KRT73: variants seen among roughly 807,000 people sequenced by gnomAD.
KRT73 encodes keratin 73.
Under a neutral mutation model 47.2 loss-of-function variants are expected in KRT73, and 44 were observed. The ratio of observed to expected loss-of-function variants is 0.93; its 90% CI spans 0.73 to 1.20. The LOEUF (loss-of-function observed/expected upper bound fraction) is 1.20, where lower values mean the gene tolerates loss of function less well. KRT73 is among the 50% of genes most tolerant of loss of function. KRT73 has a pLI of 0.00. For missense variants in KRT73, 713 were observed against 704.5 expected, an observed-to-expected ratio of 1.01 and a Z score of -0.14; for synonymous variants, 285 against 291.3, an observed-to-expected ratio of 0.98 and a Z score of 0.22.
the KRT73 span, among the ~76,000 whole-genome samples, chr12:52,624,664 G>T: frequency 6.6e-6 from 1 of 152,048 alleles, no homozygotes; most frequent in Non-Finnish European, 1.5e-5. Flanking sequence ...TAACTCATGG[G>T]TTGAAGAGGA....
chr12:52,614,746 C>T, intron 3 of KRT73, 72 bp from the exon 4 acceptor site: 1 of 1,208,874 alleles, frequency 8.3e-7, no homozygotes, highest in Non-Finnish European at 1.2e-6. Context: ...CGAACTGACA[C>T]CTGCAGGCCC....
chr12:52,611,640 G>C (rs79477245), intron 5 of KRT73, among the ~76,000 whole-genome samples: 1 of 152,114 alleles, frequency 6.6e-6, no homozygotes, highest in African/African-American at 2.4e-5. Context: ...TCAAAGTCAA[G>C]GTCAAATTCA....
chr12:52,617,351 G>A (rs1406726802), intron 1 of KRT73, among the ~76,000 whole-genome samples: 2 of 152,182 alleles, frequency 1.3e-5, no homozygotes, highest in African/African-American at 4.8e-5. Flanking sequence ...TGGAGAGCTT[G>A]TTAAAATGCA....
upstream of KRT73, among the ~76,000 whole-genome samples, chr12:52,620,106 T>A (rs1156530690): frequency 7.5e-6 from 1 of 132,612 alleles, no homozygotes; most frequent in African/African-American, 3.1e-5. Context: ...TATTCCTTTT[T>A]TTCTTTTTTT....
intron 8 of KRT73, 57 bp from the exon 9 acceptor site, chr12:52,608,509 A>T: frequency 6.8e-7 from 1 of 1,477,518 alleles, no homozygotes. Context: ...AGGTGGCCTT[A>T]AGTCCCCCTC....
the KRT73 span, among the ~76,000 whole-genome samples, chr12:52,625,537 G>T: frequency 6.6e-6 from 1 of 152,140 alleles, no homozygotes; most frequent in Non-Finnish European, 1.5e-5. Context: ...TTGCTAATGA[G>T]AATGTAAAAT....
upstream of KRT73, among the ~76,000 whole-genome samples, chr12:52,619,117 G>C (rs1406129223): frequency 1.3e-5 from 2 of 152,238 alleles, no homozygotes; most frequent in Non-Finnish European, 2.9e-5. Context: ...CCAGCCCCCT[G>C]CTGTGCCCTC....
chr12:52,616,960 A>G (rs1440846077), intron 1 of KRT73, among the ~76,000 whole-genome samples: 1 of 152,178 alleles, frequency 6.6e-6, no homozygotes, highest in Non-Finnish European at 1.5e-5. Flanking sequence ...TCAAGTTGCA[A>G]CCTACAAATA....
At chr12:52,625,087 A>G in the KRT73 span, among the ~76,000 whole-genome samples, 1 of 152,202 alleles carries the variant, frequency 6.6e-6, no homozygotes, top group Non-Finnish European at 1.5e-5. Flanking sequence ...GATAAAGGGT[A>G]GGTAAAGAGG....
intron 2 of KRT73, 61 bp downstream of exon 2, chr12:52,616,105 G>A (rs1940806225): frequency 9.4e-6 from 15 of 1,597,756 alleles, no homozygotes; most frequent in Non-Finnish European, 1.3e-5. Context: ...AAACATCCCA[G>A]TGCCTGCTGG....
Position 52,608,091 on chromosome 12 carries a change from G to T in KRT73, c.*105C>A. The T allele has an allele frequency of 7.9e-7, 1 of 1,268,590 alleles. No individual in the cohort carries two copies. 78.6% of individuals were successfully genotyped at this position (1,268,590 alleles called of 1,614,324 possible). A position where few individuals can be genotyped will look rare whatever the true frequency, so the allele number is the denominator to read the frequency against. ...GAGGAGAGGTCCACAGCAAAGCAAA[G>T]CAAGAAGGAGATGAGGACAAATGAG... On this transcript the variant is annotated 3_prime_UTR_variant, in exon 9 of 9. Coordinates refer to ENST00000305748, the MANE Select transcript of KRT73 (RefSeq NM_175068.3).
rs1344952720 is a variant in KRT73 at position 52,618,501 on chromosome 12, C to T, written c.24G>A (p.Lys8=). The change falls in exon 1 of 9, where the codon AAG becomes AAA. Residue 8 remains lysine, a synonymous_variant. Coordinates refer to ENST00000305748, the MANE Select transcript of KRT73 (RefSeq NM_175068.3). The part of the protein sequence containing the change: MSRQFTY[K]SGAAAKGGFS... ...AGCCCCCCTTGGCAGCAGCTCCCGA[C>T]TTGTAGGTGAATTGGCGGCTCATGG... 1.2e-6 allele frequency: 2 copies of T among 1,605,224 alleles called. No individual in the cohort carries two copies. Among genetic ancestry groups the T allele is most frequent in the South Asian group, 1.1e-5 (1 of 90,272 alleles).
At chr12:52,616,973 T>A (rs1165064628) in intron 1 of KRT73, among the ~76,000 whole-genome samples, 5 of 152,160 alleles carry the variant, frequency 3.3e-5, no homozygotes, top group Non-Finnish European at 7.3e-5. Flanking sequence ...TACAAATATA[T>A]CATTCCCTTG....
chr12:52,617,817 G>A (rs1219743376), intron 1 of KRT73, among the ~76,000 whole-genome samples: 1 of 152,180 alleles, frequency 6.6e-6, no homozygotes, highest in East Asian at 1.9e-4. Flanking sequence ...GCATCCTGGG[G>A]AGGTGTCCTG....
the KRT73 span, among the ~76,000 whole-genome samples, chr12:52,630,599 G>T: frequency 6.6e-6 from 1 of 152,126 alleles, no homozygotes; most frequent in Non-Finnish European, 1.5e-5. Context: ...TGTGGGAAAT[G>T]TGAGAATATA....
chr12:52,614,443 T>C (rs1216082136), intron 4 of KRT73, 136 bp downstream of exon 4: 3 of 668,354 alleles, frequency 4.5e-6, no homozygotes, highest in African/African-American at 3.7e-5. Flanking sequence ...ACTCCCACCT[T>C]TGATCTACAA....
rs766335509 is a variant in KRT73, at chr12:52,608,186, T to C, written c.*10A>G. 8 of 1,606,340 alleles carry C rather than the reference T, an allele frequency of 5.0e-6. No individual in the cohort carries two copies. In the South Asian group the frequency reaches 9.0e-5, roughly 18 times the overall value. On this transcript the variant is annotated 3_prime_UTR_variant, in exon 9 of 9. Coordinates refer to ENST00000305748, the MANE Select transcript of KRT73 (RefSeq NM_175068.3). ...AGGCAGACTACTGGGAAATGGGCTG[T>C]GTTGCACTTTTATCTCATGGTTTTT...
the KRT73 span, among the ~76,000 whole-genome samples, chr12:52,624,580 T>A: frequency 6.6e-6 from 1 of 151,994 alleles, no homozygotes; most frequent in African/African-American, 2.4e-5. Flanking sequence ...CCAAAATAAA[T>A]AAACTGAATG....
chr12:52,610,232 C>T (rs1940665132), intron 7 of KRT73: 2 of 271,840 alleles, frequency 7.4e-6, no homozygotes, highest in East Asian at 1.8e-4. Context: ...TGCACCACCA[C>T]ATCCAGCTAA....
Sources: allele counts gnomAD v4.1 joint callset (sites outside exome capture counted in the v4.1 genomes callset), GRCh38; gene constraint gnomAD v4.1.1; transcripts MANE v1.5; gene names NCBI Gene and HGNC (gene_info 2026-07-23, HGNC 2026-07-21).